The following BIVM variants were observed in gnomAD, a reference collection of about 807,000 sequenced individuals.
The protein encoded by BIVM is basic immunoglobulin-like variable motif-containing protein.
BIVM carries 31 observed loss-of-function variants against 61.4 expected under a neutral mutation model. The ratio of observed to expected loss-of-function variants is 0.51; its 90% confidence interval spans 0.38 to 0.68. The LOEUF (loss-of-function observed/expected upper bound fraction) is 0.68, where lower values mean the gene tolerates loss of function less well. Ranked by LOEUF, BIVM falls within the 30% of genes least tolerant of loss-of-function variation. The probability of loss-of-function intolerance (pLI) is 0.00; values close to 1 mark genes in which losing one functional copy is unlikely to be tolerated. For synonymous variants in BIVM, 189 were observed against 210.7 expected (o/e 0.90, Z 0.89); for missense variants, 526 against 596.0 (o/e 0.88, Z 1.22).
chr13:102,811,724 T>A (rs967069115), intron 3 of BIVM, among the ~76,000 whole-genome samples: 2 of 152,182 alleles, frequency 1.3e-5, no homozygotes, highest in Non-Finnish European at 2.9e-5. Flanking sequence ...AGTTTCTCCA[T>A]GTTGGTCAGG....
chr13:102,832,073 T>C (rs1174718424), intron 8 of BIVM, among the ~76,000 whole-genome samples: 5 of 152,218 alleles, frequency 3.3e-5, no homozygotes, highest in Non-Finnish European at 5.9e-5. Flanking sequence ...CAAGTTAGAC[T>C]ATTCTTTAAA....
chr13:102,828,423 G>A (rs371476144), intron 7 of BIVM, among the ~76,000 whole-genome samples: 10 of 152,230 alleles, frequency 6.6e-5, no homozygotes, highest in African/African-American at 2.2e-4. Flanking sequence ...GCTTAACAGA[G>A]AAGACCCGTC....
chr13:102,834,004 A>C lies in BIVM; in HGVS notation c.1035-462A>C, dbSNP rs1352185149. On this transcript the variant is annotated intron_variant, in intron 8 of 10. Transcript: ENST00000257336. The stretch of plus-strand genomic sequence containing the variant: ...CCTAAGAATCATGTGAGATTTTCTT[A>C]AAAAACTATATAAATCCCCAGGCTC... Among the ~76,000 whole-genome samples the C allele has an allele frequency of 2.0e-5, 3 of 152,324 alleles. No individual in the cohort carries two copies. In the South Asian group the frequency reaches 6.2e-4, roughly 32 times the overall value.
In BIVM at chr13:102,839,978, G is replaced by T; in HGVS notation, c.*113G>T. 1.7e-6 allele frequency: 2 copies of T among 1,190,982 alleles called. No individual in the cohort carries two copies. The highest frequency in any genetic ancestry group is 2.3e-6 in the Non-Finnish European group (2 of 858,488). 73.8% of individuals were successfully genotyped at this position (1,190,982 alleles called of 1,614,324 possible). ...ACATTAAATAGGAGCAGATCTTGTG[G>T]TATAAAAAATAACCTTGTAGTTCTC... On this transcript the variant is annotated 3_prime_UTR_variant, in exon 11 of 11. Transcript: ENST00000257336.
intron 7 of BIVM, among the ~76,000 whole-genome samples, chr13:102,828,410 T>C (rs1431496368): frequency 6.6e-6 from 1 of 152,194 alleles, no homozygotes; most frequent in African/African-American, 2.4e-5. Flanking sequence ...GTTCATAACT[T>C]TTGCTTAACA....
At chr13:102,803,902 A>G (rs950511364) in intron 1 of BIVM, among the ~76,000 whole-genome samples, 3 of 152,184 alleles carry the variant, frequency 2.0e-5, no homozygotes, top group African/African-American at 2.4e-5. Flanking sequence ...GGTCTGAACA[A>G]CGCCAGGTAC....
chr13:102,819,085 A>G lies in BIVM; in HGVS notation c.606-1952A>G, dbSNP rs190600125. Among the ~76,000 whole-genome samples, 534 of 152,336 alleles carry G rather than the reference A, an allele frequency of 3.5e-3. 2 individuals carry two copies. The highest frequency in any genetic ancestry group is 0.013 in the African/African-American group (525 of 41,576). On this transcript the variant is annotated intron_variant, in intron 4 of 10. Transcript: ENST00000257336. ...TTTATCAGCAAGGGCCATATAGCTT[A>G]TGATGACAGAACTGTTAATAATCAC...
chr13:102,825,463 T>A (rs908877832), intron 7 of BIVM, among the ~76,000 whole-genome samples: 1 of 152,168 alleles, frequency 6.6e-6, no homozygotes, highest in Non-Finnish European at 1.5e-5. Flanking sequence ...CAACACAGGC[T>A]GCAGTCTGGA....
In BIVM at chr13:102,807,682, C is replaced by G; in HGVS notation, c.415C>G (p.Leu139Val). Residue 139 changes from leucine (L) to valine (V), a missense_variant, in exon 3 of 11, where the codon CTC becomes GTC. Transcript: ENST00000257336. This position sits in a 1 kb window ranked among gnomAD's most constrained non-coding sequence, Gnocchi z 4.0. ...ATCCAACAGCCTGGGCAAGCTACCT[C>G]TCGCATGGGAAATTGATAAATCTGA... ...NLSNSLGKLPLAWEIDKSEFD... is the reference protein window; with the variant it reads ...NLSNSLGKLPVAWEIDKSEFD... 1 of 1,614,034 alleles carries G rather than the reference C, an allele frequency of 6.2e-7. No homozygotes were observed. Among genetic ancestry groups the G allele is most frequent in the Non-Finnish European group, 8.5e-7 (1 of 1,180,018 alleles).
At chr13:102,824,761 AT>A (rs1167288735) in intron 7 of BIVM, among the ~76,000 whole-genome samples, 3 of 152,046 alleles carry the variant, frequency 2.0e-5, no homozygotes, top group Admixed American at 2.0e-4. Context: ...TAAAAATTTT[AT>A]TATTTATTTT....
intron 8 of BIVM, among the ~76,000 whole-genome samples, chr13:102,833,798 A>G (rs759857152): frequency 2.6e-5 from 4 of 152,330 alleles, no homozygotes; most frequent in South Asian, 2.1e-4. Context: ...TTCTCTCCCA[A>G]TGCTGAAATG....
At chr13:102,817,123 A>G (rs944870034) in intron 4 of BIVM, among the ~76,000 whole-genome samples, 2 of 152,112 alleles carry the variant, frequency 1.3e-5, no homozygotes, top group Non-Finnish European at 1.5e-5. Flanking sequence ...AATTCTCTCA[A>G]TCTAGGTCAG....
At chr13:102,810,146 T>C (rs1289928475) in intron 3 of BIVM, among the ~76,000 whole-genome samples, 2 of 152,232 alleles carry the variant, frequency 1.3e-5, no homozygotes, top group African/African-American at 4.8e-5. Flanking sequence ...TCACAGTCCC[T>C]GGAAACCACA....
chr13:102,838,794 G>A, intron 10 of BIVM, 55 bp downstream of exon 10: 2 of 1,521,614 alleles, frequency 1.3e-6, no homozygotes, highest in Non-Finnish European at 1.8e-6. Context: ...AAAATGTGGT[G>A]TTTTACTTAG....
At position 102,839,788 on chromosome 13, in the gene BIVM, T is replaced by C. The variant is rs1566458982; in HGVS notation, c.1435T>C (p.Trp479Arg). 6.2e-7 allele frequency: 1 copy of C among 1,614,150 alleles called. No homozygotes were observed. Among genetic ancestry groups the C allele is most frequent in the Non-Finnish European group, 8.5e-7 (1 of 1,180,022 alleles). The change falls in exon 11 of 11, where the codon TGG becomes CGG. Residue 479 changes from tryptophan to arginine, a missense_variant. Physicochemically the swap from Trp to Arg is moderately radical, Grantham distance 101. Around this residue, in one of 3 missense-constraint regions of BIVM, gnomAD observed 210 missense variants for 233.1 expected, o/e 0.90. Coordinates refer to ENST00000257336, the MANE Select transcript of BIVM (RefSeq NM_017693.4). The stretch of plus-strand genomic sequence containing the variant: ...TGCTAGTTTCCATCAGGACTCGGCA[T>C]GGAAAAAGATGTCTAGTATCCATGA... The part of the protein sequence containing the change: ...FSASFHQDSA[W>R]KKMSSIHERR...
chr13:102,810,983 G>A (rs930954937), intron 3 of BIVM, among the ~76,000 whole-genome samples: 1 of 152,072 alleles, frequency 6.6e-6, no homozygotes, highest in Non-Finnish European at 1.5e-5. Flanking sequence ...CTCCTGCCTC[G>A]GCCTTCCAAA....
intron 9 of BIVM, 125 bp downstream of exon 9, chr13:102,834,677 G>A (rs192521671): frequency 2.1e-5 from 17 of 828,674 alleles, no homozygotes; most frequent in Admixed American, 1.9e-4. Flanking sequence ...CACCCAAACA[G>A]GATATGGTAC....
chr13:102,833,118 G>A (rs949127574), intron 8 of BIVM, among the ~76,000 whole-genome samples: 1 of 151,672 alleles, frequency 6.6e-6, no homozygotes, highest in African/African-American at 2.4e-5. Context: ...AGTTAGCTGA[G>A]TGTGTTGGTA....
intron 7 of BIVM, among the ~76,000 whole-genome samples, chr13:102,823,691 A>G (rs1880453751): frequency 1.3e-5 from 2 of 152,056 alleles, no homozygotes; most frequent in South Asian, 2.1e-4. Context: ...CTGTTTGGTA[A>G]TTTTCTCTTC....
Sources: gnomAD v4.1 joint callset for allele counts (sites outside exome capture counted in the v4.1 genomes callset) on GRCh38, gnomAD v4.1.1 for gene constraint, gnomAD v4.1.1 regional missense constraint, Gnocchi (gnomAD v3.1) non-coding constraint, MANE v1.5 for transcripts, NCBI Gene and HGNC (gene_info 2026-07-23, HGNC 2026-07-21) for gene names.